DACH2: variants seen among roughly 807,000 people sequenced by gnomAD.
DACH2 encodes the protein dachshund family transcription factor 2, also known as dachshund homolog 2.
DACH2 carries 17 observed loss-of-function variants against 35.8 expected under a neutral mutation model. That is an observed-to-expected ratio of 0.48 (90% CI 0.33 to 0.71). DACH2 has a LOEUF of 0.71. DACH2 is among the 30% of genes least tolerant of loss of function. The probability of loss-of-function intolerance (pLI) is 0.02; values close to 1 mark genes in which losing one functional copy is unlikely to be tolerated. For synonymous variants in DACH2, 195 were observed against 177.3 expected, an observed-to-expected ratio of 1.10 and a Z score of -0.79; for missense variants, 469 against 472.7, an observed-to-expected ratio of 0.99 and a Z score of 0.07.
chrX:86,454,832 C>T (rs1327272249), intron 2 of DACH2, among the ~76,000 whole-genome samples: 3 of 112,046 alleles, frequency 2.7e-5, no homozygotes, highest in Admixed American at 9.5e-5. Flanking sequence ...GTGTTACAGT[C>T]ATTTGAAGGA....
Position 86,394,126 on chromosome X carries a change from C to CT in DACH2, c.527+17272dup, listed in dbSNP as rs755351873. Among the ~76,000 whole-genome samples, 5 of 109,214 alleles carry CT rather than the reference C, an allele frequency of 4.6e-5. No homozygotes were observed. In the East Asian group the frequency reaches 8.6e-4, roughly 19 times the overall value. 94.8% of individuals were successfully genotyped at this position (109,214 alleles called of 115,157 possible). ...ACTGTATAGCATTCTACATTAACTA[C>CT]TTTTTTTTGTACTTGTCATGTACTG... On this transcript the variant is annotated intron_variant, in intron 2 of 11. Transcript: ENST00000373125.
chrX:86,388,708 T>G (rs931653775), intron 2 of DACH2, among the ~76,000 whole-genome samples: 12 of 111,717 alleles, frequency 1.1e-4, no homozygotes, highest in Non-Finnish European at 2.1e-4. Flanking sequence ...GGTCTTTCCT[T>G]TCTTAATATT....
intron 1 of DACH2, among the ~76,000 whole-genome samples, chrX:86,172,990 A>T (rs1159876908): frequency 3.6e-5 from 4 of 112,152 alleles, no homozygotes; most frequent in Non-Finnish European, 7.5e-5. Flanking sequence ...AGACAACAGC[A>T]TAATATTGAA....
intron 1 of DACH2, among the ~76,000 whole-genome samples, chrX:86,179,157 G>A (rs1475287634): frequency 8.9e-6 from 1 of 111,927 alleles, no homozygotes; most frequent in African/African-American, 3.2e-5. Flanking sequence ...TTACAGTCAT[G>A]TAGAATAAAA....
chrX:86,629,723 A>G (rs2040177607), intron 3 of DACH2, among the ~76,000 whole-genome samples: 1 of 98,719 alleles, frequency 1.0e-5, no homozygotes, highest in Admixed American at 1.1e-4. Context: ...TCTCTGCAGA[A>G]TAAAAAAAAA....
At chrX:86,161,322 C>T (rs748155089) in intron 1 of DACH2, 2 of 1,157,917 alleles carry the variant, frequency 1.7e-6, no homozygotes, top group South Asian at 3.9e-5. Context: ...CAGGACAGCA[C>T]AGTCAACCTG....
At chrX:86,493,900 A>G (rs928520906) in intron 2 of DACH2, among the ~76,000 whole-genome samples, 12 of 112,138 alleles carry the variant, frequency 1.1e-4, no homozygotes, top group Non-Finnish European at 1.9e-4. Context: ...TTTCACTTGA[A>G]CGCTAGAATG....
At chrX:86,794,669 A>G (rs779617702) in intron 7 of DACH2, among the ~76,000 whole-genome samples, 40 of 111,943 alleles carry the variant, frequency 3.6e-4, no homozygotes, top group Non-Finnish European at 7.5e-4. Context: ...CTAACCAGTG[A>G]GTCAATTTTC....
chrX:86,674,259 G>T (rs957540174), intron 4 of DACH2, among the ~76,000 whole-genome samples: 6 of 112,399 alleles, frequency 5.3e-5, no homozygotes, highest in African/African-American at 1.9e-4. Flanking sequence ...GCCTTTGATA[G>T]ACTCTCAAAA....
chrX:86,388,009 A>T (rs1459986461), intron 2 of DACH2, among the ~76,000 whole-genome samples: 4 of 112,360 alleles, frequency 3.6e-5, no homozygotes, highest in Non-Finnish European at 7.5e-5. Flanking sequence ...CATTCTGATT[A>T]GTTTTCATTG....
At chrX:86,502,274 G>T (rs931809096) in intron 2 of DACH2, among the ~76,000 whole-genome samples, 1 of 111,417 alleles carries the variant, frequency 9.0e-6, no homozygotes, top group Non-Finnish European at 1.9e-5. Flanking sequence ...TGCCTAAAAC[G>T]ATGAAAGTGC....
intron 2 of DACH2, among the ~76,000 whole-genome samples, chrX:86,463,001 A>C (rs1034354959): frequency 1.1e-4 from 12 of 111,671 alleles, no homozygotes; most frequent in African/African-American, 3.9e-4. Flanking sequence ...AATAGTTCTG[A>C]CATATTTTGT....
intron 3 of DACH2, among the ~76,000 whole-genome samples, chrX:86,570,189 A>T (rs1001579794): frequency 9.0e-6 from 1 of 111,606 alleles, no homozygotes; most frequent in Non-Finnish European, 1.9e-5. Context: ...TGGTTCCTCA[A>T]AGATTTAGAA....
At chrX:86,214,523 A>G (rs2032524389) in intron 1 of DACH2, among the ~76,000 whole-genome samples, 1 of 112,025 alleles carries the variant, frequency 8.9e-6, no homozygotes, top group African/African-American at 3.2e-5. Context: ...AGATCTCTAC[A>G]GTGCGTGCAG....
chrX:86,750,511 G>A (rs1045026162), intron 7 of DACH2, among the ~76,000 whole-genome samples: 1 of 111,626 alleles, frequency 9.0e-6, no homozygotes, highest in Admixed American at 9.6e-5. Flanking sequence ...TTGACTGTAG[G>A]CACAATGCTG....
chrX:86,249,511 A>G, intron 1 of DACH2, among the ~76,000 whole-genome samples: 1 of 111,623 alleles, frequency 9.0e-6, no homozygotes, highest in African/African-American at 3.2e-5. Flanking sequence ...ATATCATCTC[A>G]TACTAGTCAG....
At chrX:86,446,861 A>G (rs2037292430) in intron 2 of DACH2, among the ~76,000 whole-genome samples, 1 of 93,562 alleles carries the variant, frequency 1.1e-5, no homozygotes, top group Non-Finnish European at 2.1e-5. Context: ...ATCCCTGAGG[A>G]ATTGCCACAC....
chrX:86,238,195 T>C lies in DACH2; in HGVS notation c.488+89087T>C, dbSNP rs374887645. 7.1e-5 allele frequency among the ~76,000 whole-genome samples: 8 copies of C among 112,557 alleles called. No individual in the cohort carries two copies. The East Asian group carries it at 2.0e-3, about 28-fold the overall frequency. ...TACCTCATTGAACTCATTTTGTGTATCTTTTAGATGCTATTTGGCAGGATC... is the reference window on the plus strand; with the variant it reads ...TACCTCATTGAACTCATTTTGTGTACCTTTTAGATGCTATTTGGCAGGATC... On this transcript the variant is annotated intron_variant, in intron 1 of 11. Coordinates refer to ENST00000373125, the MANE Select transcript of DACH2 (RefSeq NM_053281.3).
At chrX:86,711,816 T>A (rs1004840699) in intron 5 of DACH2, among the ~76,000 whole-genome samples, 2 of 112,110 alleles carry the variant, frequency 1.8e-5, no homozygotes, top group African/African-American at 6.5e-5. Context: ...TCATGGTCAT[T>A]TGAAATGTTT....
Sources: allele counts gnomAD v4.1 joint callset (sites outside exome capture counted in the v4.1 genomes callset), GRCh38; gene constraint gnomAD v4.1.1; transcripts MANE v1.5; gene names NCBI Gene and HGNC (gene_info 2026-07-23, HGNC 2026-07-21).